Variants in DRAXIN observed in about 807,000 individuals in gnomAD.
DRAXIN encodes the protein dorsal inhibitory axon guidance protein, also known as dorsal repulsive axon guidance protein.
DRAXIN carries 27 observed loss-of-function variants against 33.9 expected under a neutral mutation model. The observed-to-expected ratio is 0.80, with a 90% CI of 0.59 to 1.10. DRAXIN has a LOEUF of 1.10. DRAXIN is among the 50% of genes least tolerant of loss of function. The pLI is 0.00. For missense variants in DRAXIN, 371 were observed against 460.8 expected, an observed-to-expected ratio of 0.81 and a Z score of 1.78; for synonymous variants, 178 against 194.0, an observed-to-expected ratio of 0.92 and a Z score of 0.69.
At chr1:11,718,069 G>C (rs555602804) in intron 6 of DRAXIN, among the ~76,000 whole-genome samples, 7 of 149,474 alleles carry the variant, frequency 4.7e-5, no homozygotes, top group Non-Finnish European at 1.0e-4. Context: ...TTTGGGAGGC[G>C]GAGGTGGGCA....
rs1641158324 is a variant in DRAXIN, at chr1:11,694,418, C to T, written c.-11+2565C>T. Among the ~76,000 whole-genome samples the T allele has an allele frequency of 6.6e-6, 1 of 152,008 alleles. No individual in the cohort carries two copies. The highest frequency in any genetic ancestry group is 2.4e-5 in the African/African-American group (1 of 41,368). On this transcript the variant is annotated intron_variant, in intron 1 of 6. Coordinates refer to ENST00000294485, the MANE Select transcript of DRAXIN (RefSeq NM_198545.4). This position sits in a 1 kb window ranked among gnomAD's most constrained non-coding sequence, Gnocchi z 4.9. ...CCCCTGTGATACTGAGGCCCTGTAT[C>T]ACTCTGGAAAATGAGGGTGGTCTCT...
rs181483479 is a variant in DRAXIN, at chr1:11,709,997, C to T, written c.642+532C>T. ...GTCAGGAGTTCGAGACCAGCCTGGC[C>T]AACATAGTGAAACCCCATCTCTACT... On this transcript the variant is annotated intron_variant, in intron 3 of 6. Coordinates refer to ENST00000294485, the MANE Select transcript of DRAXIN (RefSeq NM_198545.4). Among the ~76,000 whole-genome samples the T allele has an allele frequency of 1.5e-3, 229 of 151,782 alleles. 1 individual carries two copies. Among genetic ancestry groups the T allele is most frequent in the Non-Finnish European group, 2.7e-3 (180 of 67,886 alleles).
chr1:11,693,823 C>A (rs1641147628), intron 1 of DRAXIN, among the ~76,000 whole-genome samples: 2 of 152,144 alleles, frequency 1.3e-5, no homozygotes, highest in South Asian at 2.1e-4. Flanking sequence ...AATTCATCGC[C>A]CTCCCAGTCC....
At chr1:11,686,807 TAAAA>T (rs560855200), upstream of DRAXIN, among the ~76,000 whole-genome samples, 3 of 104,490 alleles carry the variant, frequency 2.9e-5, no homozygotes, top group Non-Finnish European at 3.9e-5. Flanking sequence ...ACTGCCACTT[TAAAA>T]AAAAAAAAAA....
In DRAXIN at chr1:11,715,105, C is replaced by T. The variant is rs1198433942; in HGVS notation, c.848-14C>T. The T allele has an allele frequency of 5.6e-6, 9 of 1,614,056 alleles. No individual in the cohort carries two copies. Among genetic ancestry groups the T allele is most frequent in the Non-Finnish European group, 7.6e-6 (9 of 1,180,020 alleles). On this transcript the variant is annotated splice_polypyrimidine_tract_variant and intron_variant, in intron 5 of 6. Coordinates refer to ENST00000294485, the MANE Select transcript of DRAXIN (RefSeq NM_198545.4). ...CTCAGCTTGGCTGACTGCGTGTGCTCTCTGTGTTGGCAGGGACTTGCTGCG... is the reference window on the plus strand; with the variant it reads ...CTCAGCTTGGCTGACTGCGTGTGCTTTCTGTGTTGGCAGGGACTTGCTGCG...
chr1:11,707,331 A>G (rs990964817), intron 2 of DRAXIN, among the ~76,000 whole-genome samples: 4 of 152,208 alleles, frequency 2.6e-5, no homozygotes, highest in Admixed American at 1.3e-4. Context: ...GCGCCCTCCA[A>G]GCACATTTCT....
At chr1:11,710,003 AGT>A (rs1641451302) in intron 3 of DRAXIN, among the ~76,000 whole-genome samples, 1 of 151,706 alleles carries the variant, frequency 6.6e-6, no homozygotes, top group Non-Finnish European at 1.5e-5. Flanking sequence ...TGGCCAACAT[AGT>A]GAAACCCCAT....
intron 1 of DRAXIN, among the ~76,000 whole-genome samples, chr1:11,702,434 AAC>A (rs1248838291): frequency 6.7e-6 from 1 of 149,568 alleles, no homozygotes; most frequent in Non-Finnish European, 1.5e-5. Context: ...CACACATGCT[AAC>A]ACTCCTACAC....
upstream of DRAXIN, chr1:11,691,475 C>G (rs1641064516): frequency 6.6e-6 from 1 of 152,576 alleles, no homozygotes; most frequent in African/African-American, 2.4e-5. Flanking sequence ...CCGCCTTTGT[C>G]TGCCTCCTTT....
intron 5 of DRAXIN, among the ~76,000 whole-genome samples, chr1:11,714,294 T>C (rs185242197): frequency 1.3e-5 from 2 of 152,174 alleles, no homozygotes; most frequent in Admixed American, 1.3e-4. Flanking sequence ...GGAGGAAGCA[T>C]GGAGGAAGCT....
At chr1:11,714,085 GT>G (rs1447194675) in intron 5 of DRAXIN, among the ~76,000 whole-genome samples, 1 of 152,030 alleles carries the variant, frequency 6.6e-6, no homozygotes, top group East Asian at 1.9e-4. Context: ...TGCGCCTGTG[GT>G]TCCAGGTATT....
intron 6 of DRAXIN, among the ~76,000 whole-genome samples, chr1:11,716,202 A>G (rs959659193): frequency 6.6e-6 from 1 of 152,176 alleles, no homozygotes; most frequent in Non-Finnish European, 1.5e-5. Flanking sequence ...AGTTTCAAAT[A>G]TATACTAAAG....
rs201578208 is a variant in DRAXIN, at chr1:11,709,392, T to C, written c.569T>C (p.Phe190Ser). Residue 190 changes from phenylalanine to serine, a missense_variant, in exon 3 of 7, where the codon TTT (phenylalanine) becomes TCT (serine). Phe to Ser is a radical substitution (Grantham distance 155). Transcript: ENST00000294485. ...ACCAGCCTGGCGCCCACCATGTTCT[T>C]TCTCACCACCTTTGAGGCAGCACCT... is the stretch of plus-strand genomic sequence containing the variant. ...SSTSLAPTMF[F>S]LTTFEAAPAT... 3 of 1,613,848 alleles carry C rather than the reference T, an allele frequency of 1.9e-6. No individual in the cohort carries two copies. The highest frequency in any genetic ancestry group is 2.5e-6 in the Non-Finnish European group (3 of 1,179,952).
intron 3 of DRAXIN, among the ~76,000 whole-genome samples, chr1:11,710,902 A>C (rs964770538): frequency 1.6e-5 from 2 of 127,016 alleles, no homozygotes; most frequent in African/African-American, 6.4e-5. Flanking sequence ...AGCCTGGGCG[A>C]CAGAGTGAGA....
chr1:11,714,983 C>T, intron 5 of DRAXIN, 136 bp from the exon 6 acceptor site: 1 of 964,988 alleles, frequency 1.0e-6, no homozygotes, highest in South Asian at 1.5e-5. Flanking sequence ...AGGAGCCTTG[C>T]ACACCAGATG....
upstream of DRAXIN, chr1:11,691,567 CGCTGGCCGGGT>C (rs1025104283): frequency 1.3e-5 from 2 of 151,568 alleles, no homozygotes; most frequent in Non-Finnish European, 2.9e-5. Context: ...GGCGAGGGCG[CGCTGGCCGGGT>C]GCGCGCCGGG....
In DRAXIN at chr1:11,719,719, G is replaced by C; in HGVS notation, c.*23G>C. On this transcript the variant is annotated 3_prime_UTR_variant, in exon 7 of 7. Coordinates refer to ENST00000294485, the MANE Select transcript of DRAXIN (RefSeq NM_198545.4). ...TAGCGGCCCCGCGGGACTGGGGACT[G>C]AGCCCAGGAGGTTTGCACAAGCCGG... The C allele has an allele frequency of 6.2e-7, 1 of 1,602,766 alleles. No homozygotes were observed. The highest frequency in any genetic ancestry group is 8.5e-7 in the Non-Finnish European group (1 of 1,171,080).
intron 2 of DRAXIN, among the ~76,000 whole-genome samples, chr1:11,708,469 G>C (rs1641425090): frequency 6.6e-6 from 1 of 152,210 alleles, no homozygotes; most frequent in Admixed American, 6.5e-5. Context: ...AAATTAGCCA[G>C]GTGTGGTGGC....
rs138234560 is a variant in DRAXIN at position 11,697,149 on chromosome 1, T to A, written c.-11+5296T>A. On this transcript the variant is annotated intron_variant, in intron 1 of 6. Coordinates refer to ENST00000294485, the MANE Select transcript of DRAXIN (RefSeq NM_198545.4). Reference sequence around the variant, plus strand: ...GAGGTTAAAAAACTTGCCCAGGTTGTCTAGCTCCTTCTGCTTTGCTCAGTG... The same window carrying A: ...GAGGTTAAAAAACTTGCCCAGGTTGACTAGCTCCTTCTGCTTTGCTCAGTG... Among the ~76,000 whole-genome samples, 1,370 of 152,256 alleles carry A rather than the reference T, an allele frequency of 9.0e-3. 17 individuals carry two copies. The highest frequency in any genetic ancestry group is 0.03 in the African/African-American group (1,237 of 41,546).
Sources: allele counts gnomAD v4.1 joint callset (sites outside exome capture counted in the v4.1 genomes callset), GRCh38; gene constraint gnomAD v4.1.1; non-coding constraint Gnocchi (gnomAD v3.1); transcripts MANE v1.5; gene names NCBI Gene and HGNC (gene_info 2026-07-23, HGNC 2026-07-21).